The following CALCOCO1 variants were observed in gnomAD, a reference collection of about 807,000 sequenced individuals.
CALCOCO1 encodes the protein calcium binding and coiled-coil domain 1.
In CALCOCO1, 44 loss-of-function variants were observed where a neutral mutation model predicts 86.3. The observed-to-expected ratio is 0.51, with a 90% confidence interval of 0.40 to 0.66. The LOEUF (loss-of-function observed/expected upper bound fraction) is 0.66. Among genes scored for constraint, CALCOCO1 ranks in the 30% least tolerant of loss-of-function variants. The pLI is 0.00. For missense variants in CALCOCO1, 708 were observed against 851.1 expected (o/e 0.83, Z 2.09); for synonymous variants, 297 against 327.6 (o/e 0.91, Z 1.01).
At position 53,713,710 on chromosome 12, in the gene CALCOCO1, G is replaced by A. The variant is rs1945642579; in HGVS notation, c.1782C>T (p.Ser594=). The A allele has an allele frequency of 6.4e-7, 1 of 1,554,698 alleles. No individual in the cohort carries two copies. Among genetic ancestry groups the A allele is most frequent in the Non-Finnish European group, 8.7e-7 (1 of 1,153,740 alleles). The change falls in exon 13 of 15, where the codon AGC becomes AGT. Residue 594 remains serine (S), a synonymous_variant. Coordinates refer to ENST00000550804, the MANE Select transcript of CALCOCO1 (RefSeq NM_020898.3). ...CTCCTCCACTGCTCACCGAGTCAGAGCTACTGTCCTCAGCTGGCCCAGAGA... is the reference window on the plus strand; with the variant it reads ...CTCCTCCACTGCTCACCGAGTCAGAACTACTGTCCTCAGCTGGCCCAGAGA... The part of the protein sequence containing the change: ...PHLSGPAEDS[S]SDSEAEDEKS...
intron 5 of CALCOCO1, 148 bp downstream of exon 5, chr12:53,721,877 C>A: frequency 1.1e-6 from 1 of 919,096 alleles, no homozygotes; most frequent in Non-Finnish European, 1.7e-6. Flanking sequence ...AAGTTTAATC[C>A]CAGCCACTAC....
chr12:53,715,750 G>T, intron 9 of CALCOCO1, 43 bp downstream of exon 9: 2 of 1,601,140 alleles, frequency 1.2e-6, no homozygotes, highest in South Asian at 1.1e-5. Flanking sequence ...ACAGAGGTGG[G>T]GGCAGTGGCC....
Position 53,714,299 on chromosome 12 carries a change from A to G in CALCOCO1, c.1483-58T>C, listed in dbSNP as rs1349166401. The G allele has an allele frequency of 2.3e-6, 3 of 1,283,348 alleles. No homozygotes were observed. The South Asian group carries it at 3.7e-5, about 16-fold the overall frequency. 79.5% of individuals were successfully genotyped at this position (1,283,348 alleles called of 1,614,324 possible). A position where few individuals can be genotyped will look rare whatever the true frequency, so the allele number is the denominator to read the frequency against. On this transcript the variant is annotated intron_variant, in intron 11 of 14. Coordinates refer to ENST00000550804, the MANE Select transcript of CALCOCO1 (RefSeq NM_020898.3). The stretch of plus-strand genomic sequence containing the variant: ...AGAATGGGAAGGTGCCAACCTTGCT[A>G]GCCTGCAGAAGCTGCACCCAAGAAG...
Position 53,712,005 on chromosome 12 carries a change from A to C in CALCOCO1, c.2015T>G (p.Leu672Arg). 1.2e-6 allele frequency: 2 copies of C among 1,609,208 alleles called. No homozygotes were observed. The highest frequency in any genetic ancestry group is 1.7e-6 in the Non-Finnish European group (2 of 1,177,902). ...RFPAESDKDA[L>R]EDHMDGHFFF... ...GAAGTGTCCATCCATGTGGTCCTCC[A>C]GGGCATCCTTGTCACTCTCAGCAGG... is the stretch of plus-strand genomic sequence containing the variant. The change falls in exon 15 of 15, where the codon CTG (leucine) becomes CGG (arginine). Residue 672 changes from leucine to arginine, a missense_variant. Leu to Arg is a moderately radical substitution (Grantham distance 102). Coordinates refer to ENST00000550804, the MANE Select transcript of CALCOCO1 (RefSeq NM_020898.3).
chr12:53,720,908 G>A (rs571214980), intron 6 of CALCOCO1, among the ~76,000 whole-genome samples: 1 of 152,288 alleles, frequency 6.6e-6, no homozygotes, highest in East Asian at 1.9e-4. Flanking sequence ...GGAGAGGAGA[G>A]TTTGGCTCAA....
At chr12:53,719,579 C>T (rs1457272769) in intron 7 of CALCOCO1, among the ~76,000 whole-genome samples, 160 bp downstream of exon 7, 1 of 152,156 alleles carries the variant, frequency 6.6e-6, no homozygotes. Flanking sequence ...TCCACTTTTC[C>T]ACTCTGACTA....
At chr12:53,714,469 G>A in intron 11 of CALCOCO1, 129 bp downstream of exon 11, 1 of 722,976 alleles carries the variant, frequency 1.4e-6, no homozygotes, top group South Asian at 1.8e-5. Flanking sequence ...CAGCTAATAA[G>A]AGAAGCCAGG....
chr12:53,718,977 A>C (rs1007124829), intron 7 of CALCOCO1, among the ~76,000 whole-genome samples: 2 of 148,684 alleles, frequency 1.3e-5, no homozygotes, highest in Admixed American at 6.8e-5. Context: ...CCTCCTGAGT[A>C]GCTGGGATTA....
At chr12:53,719,374 A>C (rs138930253) in intron 7 of CALCOCO1, among the ~76,000 whole-genome samples, 32 of 151,990 alleles carry the variant, frequency 2.1e-4, no homozygotes, top group African/African-American at 7.5e-4. Flanking sequence ...AAAAATACAA[A>C]AGTTAGCTGG....
At chr12:53,716,527 A>G in intron 7 of CALCOCO1, 112 bp from the exon 8 acceptor site, 1 of 1,112,424 alleles carries the variant, frequency 9.0e-7, no homozygotes, top group South Asian at 1.5e-5. Flanking sequence ...TTTAACACAC[A>G]CTCAAGCCTT....
chr12:53,716,760 A>C (rs912450847), intron 7 of CALCOCO1, among the ~76,000 whole-genome samples: 12 of 152,108 alleles, frequency 7.9e-5, no homozygotes, highest in African/African-American at 2.9e-4. Context: ...ACCCCATCCC[A>C]GTCTTTCCTA....
At chr12:53,723,860 T>G in intron 3 of CALCOCO1, 77 bp from the exon 4 acceptor site, 1 of 1,277,114 alleles carries the variant, frequency 7.8e-7, no homozygotes, top group South Asian at 1.4e-5. Flanking sequence ...GTGTTCCATA[T>G]ACTGTTTCTT....
At position 53,713,130 on chromosome 12, in the gene CALCOCO1, T is replaced by C. The variant is rs1437488039; in HGVS notation, c.1868A>G (p.Glu623Gly). 1.2e-6 allele frequency: 2 copies of C among 1,614,084 alleles called. No individual in the cohort carries two copies. The highest frequency in any genetic ancestry group is 1.7e-6 in the Non-Finnish European group (2 of 1,179,990). The change falls in exon 14 of 15, where the codon GAA becomes GGA. Residue 623 changes from glutamate to glycine, a missense_variant. Glu to Gly is a moderately conservative substitution (Grantham distance 98). Transcript: ENST00000550804. Reference protein sequence around the residue: ...GGEEANLLLPELGSAFYDMAS... With the variant: ...GGEEANLLLPGLGSAFYDMAS... ...CATGTCATAGAAGGCACTGCCCAGTTCAGGAAGCAGTAAGTTGGCCTCCTC... is the reference window on the plus strand; with the variant it reads ...CATGTCATAGAAGGCACTGCCCAGTCCAGGAAGCAGTAAGTTGGCCTCCTC...
Position 53,714,553 on chromosome 12 carries a change from G to GTCC in CALCOCO1, c.1482+42_1482+44dup, listed in dbSNP as rs778560486. ...AATTTACAAAGTTTCTAGCCCTCAA[G>GTCC]TCCTCACCTGTGGCATCCACGGGGC... On this transcript the variant is annotated intron_variant, in intron 11 of 14. Coordinates refer to ENST00000550804, the MANE Select transcript of CALCOCO1 (RefSeq NM_020898.3). 3.5e-6 allele frequency: 5 copies of GTCC among 1,420,308 alleles called. No homozygotes were observed. The African/African-American group carries it at 7.0e-5, about 20-fold the overall frequency. 88.0% of individuals were successfully genotyped at this position (1,420,308 alleles called of 1,614,324 possible). A position where few individuals can be genotyped will look rare whatever the true frequency, so the allele number is the denominator to read the frequency against.
chr12:53,725,008 A>C (rs1173927265), intron 2 of CALCOCO1, 79 bp downstream of exon 2: 1 of 1,434,596 alleles, frequency 7.0e-7, no homozygotes, highest in Non-Finnish European at 9.4e-7. Context: ...GAGGTTGAGA[A>C]TCCAAGAGCC....
At chr12:53,722,943 CAAA>C (rs58897806) in intron 4 of CALCOCO1, 2,018 of 191,446 alleles carry the variant, frequency 0.011, no homozygotes, top group South Asian at 0.015. Context: ...AAGGCTGTCT[CAAA>C]AAAAAAAAAA....
chr12:53,709,809 C>T lies in CALCOCO1; in HGVS notation c.*2135G>A, dbSNP rs1317293356. On this transcript the variant is annotated 3_prime_UTR_variant, in exon 15 of 15. Coordinates refer to ENST00000550804, the MANE Select transcript of CALCOCO1 (RefSeq NM_020898.3). ...TGGGTTCCTGTTTGTCTACTATTCT[C>T]CTTTTTTGCACAAGGCAGCCACTCA... 1 of 152,160 alleles carries T rather than the reference C, an allele frequency of 6.6e-6. No homozygotes were observed. The highest frequency in any genetic ancestry group is 2.4e-5 in the African/African-American group (1 of 41,420). The allele number at this position is 152,160 out of a possible 1,614,324, so 9.4% of individuals were successfully genotyped here. A position where few individuals can be genotyped will look rare whatever the true frequency, so the allele number is the denominator to read the frequency against.
At chr12:53,715,091 C>T in intron 10 of CALCOCO1, 109 bp downstream of exon 10, 1 of 1,340,962 alleles carries the variant, frequency 7.5e-7, no homozygotes, top group East Asian at 2.4e-5. Context: ...TGCCACCCAA[C>T]ATGGTAGTGG....
rs905056091 is a variant in CALCOCO1, at chr12:53,711,209, G to A, written c.*735C>T. 2.5e-6 allele frequency: 1 copy of A among 398,874 alleles called. No individual in the cohort carries two copies. The highest frequency in any genetic ancestry group is 4.4e-6 in the Non-Finnish European group (1 of 226,012). The allele number at this position is 398,874 out of a possible 1,614,324, so 24.7% of individuals were successfully genotyped here. ...CTGTGGGGGGACCTGGAGAGGGAGG[G>A]GGGCCTTGGAAATGGGGATACCTGG... On this transcript the variant is annotated 3_prime_UTR_variant, in exon 15 of 15. Coordinates refer to ENST00000550804, the MANE Select transcript of CALCOCO1 (RefSeq NM_020898.3).
Sources: allele counts gnomAD v4.1 joint callset (sites outside exome capture counted in the v4.1 genomes callset), GRCh38; gene constraint gnomAD v4.1.1; transcripts MANE v1.5; gene names NCBI Gene and HGNC (gene_info 2026-07-23, HGNC 2026-07-21).